The following TBC1D14 variants were observed in gnomAD, a reference collection of about 807,000 sequenced individuals.
TBC1D14 encodes the protein TBC1 domain family, member 14.
A neutral mutation model predicts 79.0 loss-of-function variants in TBC1D14; 26 were observed. The observed-to-expected ratio is 0.33, with a 90% confidence interval of 0.24 to 0.46. The LOEUF is 0.46. Ranked by LOEUF, TBC1D14 falls within the 20% of genes least tolerant of loss-of-function variation. The pLI, the probability that TBC1D14 is intolerant of heterozygous loss-of-function variation, is 1.00. For missense variants in TBC1D14, 769 were observed against 887.6 expected (o/e 0.87, Z 1.70); for synonymous variants, 394 against 349.9 (o/e 1.13, Z -1.40).
chr4:6,921,388 T>A (rs1347962112), intron 1 of TBC1D14, among the ~76,000 whole-genome samples: 1 of 152,018 alleles, frequency 6.6e-6, no homozygotes, highest in East Asian at 1.9e-4. Flanking sequence ...AAATTTTTTT[T>A]AAAGACAGAG....
rs1233021994 is a variant in TBC1D14, at chr4:6,999,202, T to G, written c.1163T>G (p.Met388Arg). 6.2e-7 allele frequency: 1 copy of G among 1,611,900 alleles called. No homozygotes were observed. Among genetic ancestry groups the G allele is most frequent in the Non-Finnish European group, 8.5e-7 (1 of 1,178,202 alleles). ...NNEILPNWET[M>R]WCSRKVRDLW... The stretch of plus-strand genomic sequence containing the variant: ...GAGATCTTACCTAACTGGGAAACAA[T>G]GTAAGATGTGGCTCTGGGTGTGGCT... Residue 388 changes from methionine (M) to arginine (R), a missense_variant and splice_region_variant, in exon 6 of 14, where the codon ATG becomes AGG. Transcript: ENST00000409757.
chr4:7,000,937 C>G (rs951065228), intron 6 of TBC1D14, among the ~76,000 whole-genome samples: 1 of 152,198 alleles, frequency 6.6e-6, no homozygotes, highest in East Asian at 1.9e-4. Context: ...CTATGCTGTG[C>G]TCCTCCATAC....
At chr4:6,935,123 C>T (rs541109265) in intron 2 of TBC1D14, among the ~76,000 whole-genome samples, 2 of 152,172 alleles carry the variant, frequency 1.3e-5, no homozygotes, top group Admixed American at 1.3e-4. Flanking sequence ...CCCAAAGAGA[C>T]TGGGAGAAGA....
chr4:6,962,240 C>T (rs1469849350), intron 2 of TBC1D14, among the ~76,000 whole-genome samples: 1 of 152,102 alleles, frequency 6.6e-6, no homozygotes, highest in East Asian at 1.9e-4. Context: ...CACAGCTATG[C>T]GCTGGCATGT....
At position 7,017,437 on chromosome 4, in the gene TBC1D14, A is replaced by G. The variant is rs189089925; in HGVS notation, c.1757+2880A>G. Among the ~76,000 whole-genome samples the G allele has an allele frequency of 4.7e-3, 720 of 152,280 alleles. 6 individuals carry two copies. The highest frequency in any genetic ancestry group is 5.6e-3 in the Non-Finnish European group (381 of 68,016). ...TCTAGAGCTGTGCACTTTCCCTTAG[A>G]GTCCTTTCTAAGGGGGTTTGTGTGA... is the stretch of plus-strand genomic sequence containing the variant. On this transcript the variant is annotated intron_variant, in intron 12 of 13. Transcript: ENST00000409757.
At chr4:6,934,059 T>C (rs1334772882) in intron 2 of TBC1D14, among the ~76,000 whole-genome samples, 1 of 152,074 alleles carries the variant, frequency 6.6e-6, no homozygotes, top group Admixed American at 6.6e-5. Context: ...TCTTAGACAT[T>C]TGCAGGAAGG....
chr4:6,963,466 C>A (rs924377291), intron 2 of TBC1D14, among the ~76,000 whole-genome samples: 5 of 152,234 alleles, frequency 3.3e-5, no homozygotes, highest in Admixed American at 3.3e-4. Context: ...TGCCCAGGCT[C>A]GCTCCTGCCC....
At chr4:7,028,824 T>G (rs1722743941) in intron 13 of TBC1D14, among the ~76,000 whole-genome samples, 1 of 151,934 alleles carries the variant, frequency 6.6e-6, no homozygotes, top group Admixed American at 6.6e-5. Flanking sequence ...ACTGGTGAGC[T>G]TTCTTTTTCT....
At chr4:7,016,898 A>G (rs1404663879) in intron 12 of TBC1D14, among the ~76,000 whole-genome samples, 1 of 152,226 alleles carries the variant, frequency 6.6e-6, no homozygotes, top group East Asian at 1.9e-4. Flanking sequence ...GGGCAAAGAC[A>G]AAAGGCACCA....
At chr4:6,932,316 G>A (rs1002704336) in intron 2 of TBC1D14, among the ~76,000 whole-genome samples, 40 of 151,378 alleles carry the variant, frequency 2.6e-4, no homozygotes, top group African/African-American at 8.2e-4. Flanking sequence ...AGGTTGCAGC[G>A]AGCCAAGATC....
chr4:6,982,716 G>T (rs1717488879), intron 3 of TBC1D14, among the ~76,000 whole-genome samples: 1 of 152,204 alleles, frequency 6.6e-6, no homozygotes, highest in Non-Finnish European at 1.5e-5. Flanking sequence ...ATTGATCGCA[G>T]CACAAGTGAT....
chr4:6,928,414 C>G (rs1724454441), intron 2 of TBC1D14, among the ~76,000 whole-genome samples: 2 of 152,224 alleles, frequency 1.3e-5, no homozygotes, highest in Admixed American at 6.5e-5. Context: ...AGGGGCTGCT[C>G]TGACCCAAGT....
chr4:6,929,373 C>G (rs979966639), intron 2 of TBC1D14, among the ~76,000 whole-genome samples: 3 of 152,128 alleles, frequency 2.0e-5, no homozygotes, highest in Non-Finnish European at 4.4e-5. Context: ...GTGCTGGAGG[C>G]CACTGGGTCA....
At position 7,030,354 on chromosome 4, in the gene TBC1D14, C is replaced by G. The variant is rs780573851; in HGVS notation, c.2044C>G (p.Arg682Gly). The G allele has an allele frequency of 5.6e-6, 9 of 1,613,836 alleles. No individual in the cohort carries two copies. Among genetic ancestry groups the G allele is most frequent in the Non-Finnish European group, 1.7e-6 (2 of 1,179,898 alleles). Residue 682 changes from arginine (R) to glycine (G), a missense_variant, in exon 14 of 14, where the codon CGG (arginine) becomes GGG (glycine). Coordinates refer to ENST00000409757, the MANE Select transcript of TBC1D14 (RefSeq NM_020773.3). ...ACTGACTGCATTGCAGAAAGACAGC[C>G]GGGAAATGGAGAAGGGAAGTCCGTC... ...QVLTALQKDS[R>G]EMEKGSPSLR...
chr4:6,977,048 TCCTCTCCCTCTCCCTCCTCTC>T (rs1716779577), intron 3 of TBC1D14, among the ~76,000 whole-genome samples: 1 of 74,952 alleles, frequency 1.3e-5, no homozygotes, highest in African/African-American at 4.6e-5. Flanking sequence ...TCCCTCTCCC[TCCTCTCCCTCTCCCTCCTCTC>T]CCTCTCCCTC....
chr4:6,994,065 G>T, intron 3 of TBC1D14, 119 bp from the exon 4 acceptor site: 2 of 824,880 alleles, frequency 2.4e-6, no homozygotes, highest in Non-Finnish European at 4.0e-6. Flanking sequence ...AAAGGTTTTT[G>T]GCGAATTGTC....
chr4:7,024,874 T>G (rs1346717912), intron 12 of TBC1D14, 130 bp from the exon 13 acceptor site: 1 of 1,242,026 alleles, frequency 8.1e-7, no homozygotes, highest in Non-Finnish European at 1.1e-6. Context: ...AGTGCAGGCC[T>G]GGCCCTGGCC....
intron 3 of TBC1D14, among the ~76,000 whole-genome samples, chr4:6,985,647 A>G (rs1010939983): frequency 6.6e-6 from 1 of 152,240 alleles, no homozygotes. Context: ...CTACAAGTTA[A>G]TATGTAACTT....
Position 7,025,071 on chromosome 4 carries a change from C to T in TBC1D14, c.1825C>T (p.Arg609Cys), listed in dbSNP as rs955579255. Reference protein sequence around the residue: ...LACRIWDVFCRDGEEFLFRTA... With the variant: ...LACRIWDVFCCDGEEFLFRTA... ...CTGTCGTATCTGGGACGTGTTCTGT[C>T]GCGATGGGGAAGAGTTCCTGTTCCG... Residue 609 changes from arginine to cysteine, a missense_variant, in exon 13 of 14, where the codon CGC becomes TGC. By Grantham distance (180) the Arg-to-Cys change is radical (BLOSUM62 -3). Coordinates refer to ENST00000409757, the MANE Select transcript of TBC1D14 (RefSeq NM_020773.3). 6 of 1,614,188 alleles carry T rather than the reference C, an allele frequency of 3.7e-6. No homozygotes were observed. The highest frequency in any genetic ancestry group is 3.4e-6 in the Non-Finnish European group (4 of 1,180,044).
Sources: allele counts gnomAD v4.1 joint callset (sites outside exome capture counted in the v4.1 genomes callset), GRCh38; gene constraint gnomAD v4.1.1; transcripts MANE v1.5; gene names NCBI Gene and HGNC (gene_info 2026-07-23, HGNC 2026-07-21).